The following DOCK2 variants were observed in gnomAD, a reference collection of about 807,000 sequenced individuals.
DOCK2 encodes dedicator of cytokinesis 2.
DOCK2 carries 87 observed loss-of-function variants against 248.9 expected under a neutral mutation model. That is an observed-to-expected ratio of 0.35 (90% CI 0.29 to 0.42). The LOEUF is 0.42. Among genes scored for constraint, DOCK2 ranks in the 10% least tolerant of loss-of-function variants. The pLI is 1.00. For missense variants in DOCK2, 1,747 were observed against 2,300.2 expected (o/e 0.76, Z 4.92); for synonymous variants, 805 against 821.6 (o/e 0.98, Z 0.35).
intron 27 of DOCK2, among the ~76,000 whole-genome samples, chr5:169,870,724 G>A (rs1017571442): frequency 6.6e-6 from 1 of 151,938 alleles, no homozygotes; most frequent in Non-Finnish European, 1.5e-5. Context: ...TTTAGCATTA[G>A]GTCTGTGTTT....
chr5:169,833,118 C>G (rs1024512484), intron 26 of DOCK2, among the ~76,000 whole-genome samples: 1 of 152,154 alleles, frequency 6.6e-6, no homozygotes, highest in Non-Finnish European at 1.5e-5. Flanking sequence ...AAACCCCATC[C>G]TAAAGCTGAA....
At chr5:169,925,010 A>T (rs957896271) in intron 27 of DOCK2, among the ~76,000 whole-genome samples, 1 of 151,976 alleles carries the variant, frequency 6.6e-6, no homozygotes, top group Non-Finnish European at 1.5e-5. Flanking sequence ...CAGAGTATTG[A>T]CTCAAGTAAT....
At chr5:169,898,526 CAAA>C (rs1466554095) in intron 27 of DOCK2, among the ~76,000 whole-genome samples, 2 of 147,794 alleles carry the variant, frequency 1.4e-5, no homozygotes, top group African/African-American at 5.1e-5. Flanking sequence ...CACACACACA[CAAA>C]ACAACAACAA....
Position 169,720,276 on chromosome 5 carries a change from A to G in DOCK2, c.2267+1485A>G, listed in dbSNP as rs78675516. On this transcript the variant is annotated intron_variant, in intron 22 of 51. Coordinates refer to ENST00000520908, the MANE Select transcript of DOCK2 (RefSeq NM_004946.3). ...TTCTTGGAGGAGTTCAAGAATTCAG[A>G]CATTGCAGTTACAGCTTAAAAGTCA... is the stretch of plus-strand genomic sequence containing the variant. 1.8e-4 allele frequency among the ~76,000 whole-genome samples: 28 copies of G among 152,344 alleles called. No homozygotes were observed. The East Asian group carries it at 5.4e-3, about 29-fold the overall frequency.
chr5:169,677,728 T>C (rs1759413870), intron 6 of DOCK2, among the ~76,000 whole-genome samples: 1 of 152,248 alleles, frequency 6.6e-6, no homozygotes, highest in African/African-American at 2.4e-5. Context: ...GTGCAGGCTC[T>C]GCTGCTCGCT....
Position 169,714,345 on chromosome 5 carries a change from T to C in DOCK2, c.1844-15T>C. 1 of 1,614,076 alleles carries C rather than the reference T, an allele frequency of 6.2e-7. No homozygotes were observed. The highest frequency in any genetic ancestry group is 8.5e-7 in the Non-Finnish European group (1 of 1,179,960). ...GCCAGTAATGATACTTCTGAATGTC[T>C]GGACTCTATTTTAGTGGGCTTGCTG... is the stretch of plus-strand genomic sequence containing the variant. On this transcript the variant is annotated splice_polypyrimidine_tract_variant and intron_variant, in intron 18 of 51. Transcript: ENST00000520908.
At chr5:169,686,501 G>A (rs1759992007) in intron 8 of DOCK2, among the ~76,000 whole-genome samples, 1 of 152,156 alleles carries the variant, frequency 6.6e-6, no homozygotes, top group Admixed American at 6.5e-5. Context: ...GGACAAAGGG[G>A]GCAGAAACCA....
rs550340411 is a variant in DOCK2 at position 169,801,207 on chromosome 5, G to A, written c.2555-1851G>A. Among the ~76,000 whole-genome samples, 4 of 128,068 alleles carry A rather than the reference G, an allele frequency of 3.1e-5. 1 individual carries two copies. The highest frequency in any genetic ancestry group is 1.1e-4 in the African/African-American group (4 of 36,362). 84.0% of individuals were successfully genotyped at this position (128,068 alleles called of 152,430 possible). ...AGTAGACTTGGGGTTTCACCATATT[G>A]GCCAGGCTGGTCTGACACTCCTGAC... On this transcript the variant is annotated intron_variant, in intron 25 of 51. Transcript: ENST00000520908.
chr5:169,772,354 T>C (rs1299822101), intron 25 of DOCK2, among the ~76,000 whole-genome samples: 1 of 152,226 alleles, frequency 6.6e-6, no homozygotes, highest in Non-Finnish European at 1.5e-5. Context: ...TGGTAAGAAA[T>C]TGCTTGGGCT....
intron 26 of DOCK2, among the ~76,000 whole-genome samples, chr5:169,804,129 C>G (rs1194521821): frequency 6.6e-6 from 1 of 152,180 alleles, no homozygotes; most frequent in Admixed American, 6.5e-5. Flanking sequence ...TGAACTGTGT[C>G]TATTATTGAC....
intron 2 of DOCK2, among the ~76,000 whole-genome samples, chr5:169,656,455 C>A (rs1357046223): frequency 6.6e-6 from 1 of 152,122 alleles, no homozygotes; most frequent in African/African-American, 2.4e-5. Context: ...TCATTCGTAG[C>A]TGGGATTACC....
At chr5:170,055,190 T>C in intron 41 of DOCK2, 115 bp from the exon 42 acceptor site, 1 of 932,838 alleles carries the variant, frequency 1.1e-6, no homozygotes. Flanking sequence ...GGTTCATCAT[T>C]CAGTAAAAAT....
chr5:169,802,089 C>T (rs1767032063), intron 25 of DOCK2, among the ~76,000 whole-genome samples: 1 of 152,004 alleles, frequency 6.6e-6, no homozygotes. Flanking sequence ...CTGCGAAGGG[C>T]TTCAGAACCT....
intron 25 of DOCK2, among the ~76,000 whole-genome samples, chr5:169,790,368 A>G (rs1327874425): frequency 1.3e-5 from 2 of 152,164 alleles, no homozygotes; most frequent in East Asian, 1.9e-4. Context: ...TTATTATTCT[A>G]AGTTGCAAAC....
intron 1 of DOCK2, among the ~76,000 whole-genome samples, chr5:169,645,410 A>G (rs563049878): frequency 6.6e-6 from 1 of 152,338 alleles, no homozygotes; most frequent in African/African-American, 2.4e-5. Context: ...TGTTGGCCAC[A>G]TAAATGTCTT....
In DOCK2 at chr5:169,821,987, G is replaced by A. The variant is rs546699744; in HGVS notation, c.2704-18770G>A. ...TGCAATCCTAGTCTCTGATAAAACA[G>A]ACTTTAAGCCAATAAAGATCAAAAG... is the stretch of plus-strand genomic sequence containing the variant. On this transcript the variant is annotated intron_variant, in intron 26 of 51. Coordinates refer to ENST00000520908, the MANE Select transcript of DOCK2 (RefSeq NM_004946.3). Among the ~76,000 whole-genome samples, 18 of 152,056 alleles carry A rather than the reference G, an allele frequency of 1.2e-4. No homozygotes were observed. The South Asian group carries it at 3.5e-3, about 30-fold the overall frequency.
chr5:169,727,208 C>G (rs182329077), intron 22 of DOCK2, among the ~76,000 whole-genome samples: 224 of 152,300 alleles, frequency 1.5e-3, no homozygotes, highest in African/African-American at 5.0e-3. Context: ...ATTTATGAAG[C>G]CTCTCCTCTG....
At chr5:169,845,353 C>T (rs1212046854) in intron 27 of DOCK2, among the ~76,000 whole-genome samples, 2 of 151,978 alleles carry the variant, frequency 1.3e-5, no homozygotes, top group Admixed American at 6.6e-5. Flanking sequence ...GCCCATTGTG[C>T]TTATGACATT....
At chr5:169,665,617 G>A (rs2113255262) in intron 2 of DOCK2, among the ~76,000 whole-genome samples, 1 of 152,140 alleles carries the variant, frequency 6.6e-6, no homozygotes, top group African/African-American at 2.4e-5. Flanking sequence ...AAATCAGTAT[G>A]TTTTTTTCCC....
Sources: allele counts gnomAD v4.1 joint callset (sites outside exome capture counted in the v4.1 genomes callset), GRCh38; gene constraint gnomAD v4.1.1; transcripts MANE v1.5; gene names NCBI Gene and HGNC (gene_info 2026-07-23, HGNC 2026-07-21).